Variants in LGR4 observed in about 807,000 individuals in gnomAD.
LGR4 encodes leucine-rich repeat-containing G protein-coupled receptor 4.
A neutral mutation model predicts 84.8 loss-of-function variants in LGR4; 44 were observed. That is an observed-to-expected ratio of 0.52 (90% CI 0.41 to 0.67). The LOEUF (loss-of-function observed/expected upper bound fraction) is 0.67, where lower values mean the gene tolerates loss of function less well. LGR4 is among the 30% of genes least tolerant of loss of function. The pLI, the probability that LGR4 is intolerant of heterozygous loss-of-function variation, is 0.00. For synonymous variants in LGR4, 429 were observed against 434.3 expected (o/e 0.99, Z 0.15); for missense variants, 1,032 against 1,131.4 (o/e 0.91, Z 1.26).
chr11:27,392,236 G>A (rs966075555), intron 3 of LGR4, among the ~76,000 whole-genome samples: 1 of 151,958 alleles, frequency 6.6e-6, no homozygotes, highest in African/African-American at 2.4e-5. Flanking sequence ...CTGGAGGTCA[G>A]AATACGTATT....
chr11:27,472,723 T>C lies in LGR4; in HGVS notation c.-421A>G. On this transcript the variant is annotated 5_prime_UTR_variant, in exon 1 of 18. Coordinates refer to ENST00000379214, the MANE Select transcript of LGR4 (RefSeq NM_018490.5). ...GGCTCTCGCACAAACACCCAGACTC[T>C]GGCTCGCTGTCTCCCAGCCGCGGCT... 2.8e-6 allele frequency: 1 copy of C among 357,100 alleles called. No individual in the cohort carries two copies. The highest frequency in any genetic ancestry group is 5.0e-6 in the Non-Finnish European group (1 of 199,890). 22.1% of individuals were successfully genotyped at this position (357,100 alleles called of 1,614,324 possible). A position where few individuals can be genotyped will look rare whatever the true frequency, so the allele number is the denominator to read the frequency against.
intron 1 of LGR4, among the ~76,000 whole-genome samples, chr11:27,417,843 GA>G (rs1164616652): frequency 6.6e-6 from 1 of 151,960 alleles, no homozygotes; most frequent in African/African-American, 2.4e-5. Flanking sequence ...TTTGCAAAAT[GA>G]AAAAAATCTT....
chr11:27,391,006 TCTC>T (rs1863274115), intron 4 of LGR4, 85 bp downstream of exon 4: 2 of 771,780 alleles, frequency 2.6e-6, no homozygotes, highest in Non-Finnish European at 4.3e-6. Flanking sequence ...AAAGGATAAA[TCTC>T]CTCTTTCCTT....
At chr11:27,469,687 G>T (rs949227526) in intron 1 of LGR4, among the ~76,000 whole-genome samples, 1 of 152,202 alleles carries the variant, frequency 6.6e-6, no homozygotes, top group South Asian at 2.1e-4. Context: ...TTTCATGATT[G>T]TAATTTTCTG....
chr11:27,456,946 ATT>A (rs1044015828), intron 1 of LGR4, among the ~76,000 whole-genome samples: 1 of 150,968 alleles, frequency 6.6e-6, no homozygotes, highest in Non-Finnish European at 1.5e-5. Flanking sequence ...TTCTGTTCTG[ATT>A]TTTTTTTCCT....
At chr11:27,387,201 G>C (rs1000504639) in intron 4 of LGR4, among the ~76,000 whole-genome samples, 1 of 152,154 alleles carries the variant, frequency 6.6e-6, no homozygotes, top group Admixed American at 6.5e-5. Context: ...CAGTTAAATT[G>C]AGCATCTTGT....
At chr11:27,389,705 G>T (rs1363730242) in intron 4 of LGR4, among the ~76,000 whole-genome samples, 1 of 152,074 alleles carries the variant, frequency 6.6e-6, no homozygotes, top group Non-Finnish European at 1.5e-5. Flanking sequence ...AGAAGCAAAA[G>T]AAAACATGAC....
At chr11:27,436,181 G>C (rs1864203545) in intron 1 of LGR4, among the ~76,000 whole-genome samples, 1 of 151,618 alleles carries the variant, frequency 6.6e-6, no homozygotes, top group Admixed American at 6.5e-5. Flanking sequence ...AAAGTGCTGG[G>C]ATTACAGGTG....
intron 11 of LGR4, 134 bp downstream of exon 11, chr11:27,378,563 T>C: frequency 1.5e-6 from 1 of 682,654 alleles, no homozygotes. Context: ...CTCAAATATC[T>C]GCTCCTTTAC....
chr11:27,383,795 A>G (rs1369000719), intron 6 of LGR4, among the ~76,000 whole-genome samples: 1 of 152,240 alleles, frequency 6.6e-6, no homozygotes, highest in Non-Finnish European at 1.5e-5. Flanking sequence ...AATTATACAC[A>G]GCTACACAAT....
intron 1 of LGR4, among the ~76,000 whole-genome samples, chr11:27,461,101 T>A (rs903346851): frequency 6.6e-6 from 1 of 152,222 alleles, no homozygotes; most frequent in Non-Finnish European, 1.5e-5. Flanking sequence ...GAATGTCATA[T>A]AAACTTTTTA....
intron 1 of LGR4, among the ~76,000 whole-genome samples, chr11:27,413,099 A>C (rs72889529): frequency 3.3e-5 from 5 of 152,186 alleles, no homozygotes; most frequent in Non-Finnish European, 7.4e-5. Context: ...TTCCCCTCTT[A>C]AGTATCCTTG....
chr11:27,422,138 A>G (rs1426258545), intron 1 of LGR4, among the ~76,000 whole-genome samples: 1 of 152,214 alleles, frequency 6.6e-6, no homozygotes, highest in African/African-American at 2.4e-5. Flanking sequence ...AACATCAACA[A>G]GAAGTATTAT....
chr11:27,401,498 G>A (rs1172687749), intron 2 of LGR4, among the ~76,000 whole-genome samples: 5 of 152,014 alleles, frequency 3.3e-5, no homozygotes, highest in African/African-American at 9.7e-5. Context: ...ACCCATGTGA[G>A]GAAATAATAT....
At chr11:27,380,746 A>G (rs748744193) in intron 8 of LGR4, 35 bp from the exon 9 acceptor site, 3 of 1,426,266 alleles carry the variant, frequency 2.1e-6, no homozygotes, top group African/African-American at 1.4e-5. Context: ...AAATTTTCAT[A>G]TGTTCACAAG....
chr11:27,431,316 T>C (rs1864113086), intron 1 of LGR4, among the ~76,000 whole-genome samples: 1 of 152,174 alleles, frequency 6.6e-6, no homozygotes, highest in South Asian at 2.1e-4. Context: ...CCATGTGATT[T>C]TGATGCACAT....
chr11:27,402,430 G>A (rs1280385651), intron 2 of LGR4, among the ~76,000 whole-genome samples: 1 of 152,068 alleles, frequency 6.6e-6, no homozygotes, highest in Non-Finnish European at 1.5e-5. Flanking sequence ...AGATACCCTG[G>A]GTTCTTGACG....
chr11:27,465,024 C>T (rs979766845), intron 1 of LGR4, among the ~76,000 whole-genome samples: 1 of 152,130 alleles, frequency 6.6e-6, no homozygotes, highest in African/African-American at 2.4e-5. Flanking sequence ...GAATAAAGAA[C>T]CACTAAATGT....
At chr11:27,432,184 C>A (rs1365781272) in intron 1 of LGR4, among the ~76,000 whole-genome samples, 3 of 152,154 alleles carry the variant, frequency 2.0e-5, no homozygotes, top group African/African-American at 7.2e-5. Context: ...TTAAGATGGG[C>A]TAGTCTTTAC....
Sources: allele counts gnomAD v4.1 joint callset (sites outside exome capture counted in the v4.1 genomes callset), GRCh38; gene constraint gnomAD v4.1.1; transcripts MANE v1.5; gene names NCBI Gene and HGNC (gene_info 2026-07-23, HGNC 2026-07-21).